The following AMOTL1 variants were observed in gnomAD, a reference collection of about 807,000 sequenced individuals.
AMOTL1 encodes angiomotin like 1.
A neutral mutation model predicts 102.9 loss-of-function variants in AMOTL1; 45 were observed. The observed-to-expected ratio is 0.44, with a 90% CI of 0.34 to 0.56. AMOTL1 has a LOEUF of 0.56. Ranked by LOEUF, AMOTL1 falls within the 20% of genes least tolerant of loss-of-function variation. The pLI, the probability that AMOTL1 is intolerant of heterozygous loss-of-function variation, is 0.01. For synonymous variants in AMOTL1, 481 were observed against 484.7 expected (o/e 0.99, Z 0.10); for missense variants, 1,114 against 1,225.6 (o/e 0.91, Z 1.36).
chr11:94,840,630 A>G (rs1318269084), intron 6 of AMOTL1, among the ~76,000 whole-genome samples: 1 of 146,772 alleles, frequency 6.8e-6, no homozygotes, highest in African/African-American at 2.6e-5. Flanking sequence ...CATATCTGCC[A>G]TTCAGAGGGG....
At chr11:94,838,617 A>T (rs765148060) in intron 6 of AMOTL1, among the ~76,000 whole-genome samples, 1 of 152,226 alleles carries the variant, frequency 6.6e-6, no homozygotes, top group Non-Finnish European at 1.5e-5. Flanking sequence ...GAACCTAGTC[A>T]TGGAAAAAGA....
chr11:94,710,415 C>T (rs1026842838), intron 1 of AMOTL1, among the ~76,000 whole-genome samples: 1 of 152,156 alleles, frequency 6.6e-6, no homozygotes, highest in South Asian at 2.1e-4. Context: ...AGTATCTAGA[C>T]ATGTCTTCTC....
intron 4 of AMOTL1, among the ~76,000 whole-genome samples, chr11:94,822,388 C>T (rs1684056113): frequency 6.6e-6 from 1 of 152,176 alleles, no homozygotes; most frequent in Non-Finnish European, 1.5e-5. Flanking sequence ...GATCGCTCCA[C>T]TGCACTCCAG....
chr11:94,814,423 G>T (rs1298709957), intron 3 of AMOTL1, among the ~76,000 whole-genome samples: 1 of 152,226 alleles, frequency 6.6e-6, no homozygotes, highest in Non-Finnish European at 1.5e-5. Context: ...GCAGGCAGGA[G>T]AGAAACTTCT....
At chr11:94,766,529 A>G (rs1220245221), upstream of AMOTL1, among the ~76,000 whole-genome samples, 1 of 152,204 alleles carries the variant, frequency 6.6e-6, no homozygotes, top group African/African-American at 2.4e-5. Context: ...ATAGGATGGT[A>G]TCTAGGAGTG....
chr11:94,769,873 T>C (rs1463058484), intron 1 of AMOTL1, among the ~76,000 whole-genome samples: 1 of 152,110 alleles, frequency 6.6e-6, no homozygotes, highest in East Asian at 1.9e-4. Context: ...GGTGGTGGGG[T>C]ACGTGGTCTC....
At chr11:94,749,428 C>T (rs1383218148) in intron 3 of AMOTL1, among the ~76,000 whole-genome samples, 1 of 152,196 alleles carries the variant, frequency 6.6e-6, no homozygotes, top group Non-Finnish European at 1.5e-5. Context: ...CTCAGTCTAC[C>T]TACTCAAATG....
At position 94,799,700 on chromosome 11, in the gene AMOTL1, G is replaced by T. The variant is rs769262295; in HGVS notation, c.510G>T (p.Thr170=). 1 of 1,613,914 alleles carries T rather than the reference G, an allele frequency of 6.2e-7. No homozygotes were observed. The highest frequency in any genetic ancestry group is 8.5e-7 in the Non-Finnish European group (1 of 1,179,886). ...PQGQEHQVDN[T]VMEKQVRSTQ... The stretch of plus-strand genomic sequence containing the variant: ...GTCAAGAACACCAGGTGGACAATAC[G>T]GTGATGGAGAAACAGGTCCGGTCCA... The change falls in exon 3 of 13, where the codon ACG becomes ACT. Residue 170 remains threonine, a synonymous_variant. Coordinates refer to ENST00000433060, the MANE Select transcript of AMOTL1 (RefSeq NM_130847.3). This position sits in a 1 kb window ranked among gnomAD's most constrained non-coding sequence, Gnocchi z 4.5.
intron 2 of AMOTL1, among the ~76,000 whole-genome samples, chr11:94,730,011 A>C (rs1950321719): frequency 6.6e-6 from 1 of 152,154 alleles, no homozygotes; most frequent in African/African-American, 2.4e-5. Flanking sequence ...GATAGTCGCC[A>C]AAGGGAAGAC....
chr11:94,750,760 C>T (rs1208620194), intron 3 of AMOTL1, among the ~76,000 whole-genome samples: 3 of 152,164 alleles, frequency 2.0e-5, no homozygotes, highest in Admixed American at 6.5e-5. Flanking sequence ...CACAGGAAAC[C>T]TCACCCTACC....
intron 3 of AMOTL1, among the ~76,000 whole-genome samples, chr11:94,760,529 CT>C (rs1170909521): frequency 6.6e-6 from 1 of 152,236 alleles, no homozygotes; most frequent in Non-Finnish European, 1.5e-5. Context: ...ATGATATTGG[CT>C]TGGCCTGGAA....
intron 4 of AMOTL1, among the ~76,000 whole-genome samples, chr11:94,825,741 A>G (rs1425390080): frequency 6.6e-6 from 1 of 152,208 alleles, no homozygotes; most frequent in Non-Finnish European, 1.5e-5. Context: ...TGTTCTGAAC[A>G]TGGAGTAATA....
intron 4 of AMOTL1, among the ~76,000 whole-genome samples, chr11:94,824,284 A>G (rs1259786849): frequency 6.6e-6 from 1 of 152,202 alleles, no homozygotes; most frequent in Admixed American, 6.5e-5. Context: ...CTTGGAAGCT[A>G]CAATTTTAAG....
intron 3 of AMOTL1, among the ~76,000 whole-genome samples, chr11:94,811,474 C>T (rs1405264809): frequency 1.3e-5 from 2 of 151,504 alleles, no homozygotes; most frequent in Admixed American, 6.6e-5. Context: ...CCAGCCTGGG[C>T]GACAGAGCAA....
intron 6 of AMOTL1, among the ~76,000 whole-genome samples, chr11:94,841,444 T>G (rs1316398122): frequency 6.6e-6 from 1 of 152,100 alleles, no homozygotes; most frequent in Non-Finnish European, 1.5e-5. Flanking sequence ...AGAGCCAGAC[T>G]CTGTCTCAAA....
chr11:94,841,124 G>C (rs898263810), intron 6 of AMOTL1, among the ~76,000 whole-genome samples: 4 of 152,076 alleles, frequency 2.6e-5, no homozygotes, highest in African/African-American at 9.7e-5. Flanking sequence ...GCAACTAGAA[G>C]TGTCAGTTTT....
intron 3 of AMOTL1, among the ~76,000 whole-genome samples, chr11:94,804,633 A>G (rs569956018): frequency 2.0e-5 from 3 of 152,298 alleles, no homozygotes; most frequent in African/African-American, 7.2e-5. Context: ...ATAACTGGCT[A>G]GGTTAATTTT....
chr11:94,730,395 T>G (rs1950329763), intron 2 of AMOTL1, among the ~76,000 whole-genome samples: 1 of 152,194 alleles, frequency 6.6e-6, no homozygotes, highest in Non-Finnish European at 1.5e-5. Flanking sequence ...AAGCTTCTGC[T>G]TAAGTCATCT....
intron 9 of AMOTL1, among the ~76,000 whole-genome samples, chr11:94,861,027 A>C (rs940607542): frequency 2.6e-5 from 4 of 152,220 alleles, no homozygotes; most frequent in Non-Finnish European, 1.5e-5. Flanking sequence ...AGTGGGTGCC[A>C]CAGCACACTT....
Sources: allele counts gnomAD v4.1 joint callset (sites outside exome capture counted in the v4.1 genomes callset), GRCh38; gene constraint gnomAD v4.1.1; non-coding constraint Gnocchi (gnomAD v3.1); transcripts MANE v1.5; gene names NCBI Gene and HGNC (gene_info 2026-07-23, HGNC 2026-07-21).